Variants in CHST15 observed in about 807,000 individuals in gnomAD.
CHST15 encodes carbohydrate sulfotransferase 15.
CHST15 carries 30 observed loss-of-function variants against 53.6 expected under a neutral mutation model. That is an observed-to-expected ratio of 0.56 (90% confidence interval 0.42 to 0.76). The LOEUF is 0.76. Ranked by LOEUF, CHST15 falls within the 30% of genes least tolerant of loss-of-function variation. CHST15 has a pLI of 0.00. For synonymous variants in CHST15, 296 were observed against 289.8 expected (o/e 1.02, Z -0.22); for missense variants, 627 against 740.5 (o/e 0.85, Z 1.78).
chr10:124,080,319 C>T (rs1216840623), intron 1 of CHST15, among the ~76,000 whole-genome samples: 1 of 152,206 alleles, frequency 6.6e-6, no homozygotes, highest in East Asian at 1.9e-4. Context: ...CTGACTGTTC[C>T]CTCCTTCCAA....
chr10:124,081,019 C>G (rs1027613819), intron 1 of CHST15, among the ~76,000 whole-genome samples: 2 of 152,186 alleles, frequency 1.3e-5, no homozygotes, highest in Admixed American at 1.3e-4. Flanking sequence ...TCCTGGGCCT[C>G]CAGCCTGGGC....
At chr10:124,068,657 G>T (rs1362150386) in intron 1 of CHST15, among the ~76,000 whole-genome samples, 1 of 152,066 alleles carries the variant, frequency 6.6e-6, no homozygotes, top group African/African-American at 2.4e-5. Context: ...TCCAGAAAAA[G>T]ATCAAAACAC....
Position 124,045,112 on chromosome 10 carries a change from C to CAAAAAAAA in CHST15, c.547-201_547-194dup, listed in dbSNP as rs758243657. Among the ~76,000 whole-genome samples, 124 of 33,538 alleles carry CAAAAAAAA rather than the reference C, an allele frequency of 3.7e-3. 4 individuals carry two copies. The highest frequency in any genetic ancestry group is 0.028 in the Middle Eastern group (1 of 36). The allele number at this position is 33,538 out of a possible 152,430, so 22.0% of individuals were successfully genotyped here. On this transcript the variant is annotated intron_variant, in intron 2 of 7. Coordinates refer to ENST00000435907, the MANE Select transcript of CHST15 (RefSeq NM_001270764.2). ...TGCTTTCCTCTCCCCCGCCGCCCCA[C>CAAAAAAAA]AAAAAAAAAAAAAAAAAAAAAAAAA...
chr10:124,035,261 C>A (rs569108144), intron 5 of CHST15, among the ~76,000 whole-genome samples: 3 of 127,420 alleles, frequency 2.4e-5, no homozygotes, highest in East Asian at 5.4e-4. Context: ...GGGACCCTGG[C>A]TCCACCCCTA....
rs550103850 is a variant in CHST15, at chr10:124,074,880, C to A, written c.-513+18589G>T. On this transcript the variant is annotated intron_variant, in intron 1 of 7. Transcript: ENST00000435907. This position sits in a 1 kb window ranked among gnomAD's most constrained non-coding sequence, Gnocchi z 4.4. ...TCCTTTTGAATGCGGCTGTGCTAGG[C>A]AGTGGGGTGCAGTGTGTGGACAAGA... 6.6e-6 allele frequency among the ~76,000 whole-genome samples: 1 copy of A among 152,358 alleles called. No individual in the cohort carries two copies. Among genetic ancestry groups the A allele is most frequent in the Non-Finnish European group, 1.5e-5 (1 of 68,040 alleles).
At position 124,021,246 on chromosome 10, in the gene CHST15, G is replaced by C. The variant is rs200905582; in HGVS notation, c.1347+10C>G. 2.7e-4 allele frequency: 419 copies of C among 1,562,568 alleles called. 2 individuals are homozygous for C. The highest frequency in any genetic ancestry group is 2.2e-3 in the East Asian group (92 of 42,258). On this transcript the variant is annotated intron_variant, in intron 6 of 7. Coordinates refer to ENST00000435907, the MANE Select transcript of CHST15 (RefSeq NM_001270764.2). ...CCAGCTCGGGGGGTACGGGGGGGGG[G>C]GGTACACACAGGCATGGCGTTGTTG...
intron 1 of CHST15, among the ~76,000 whole-genome samples, chr10:124,058,447 C>T (rs1253100699): frequency 6.6e-6 from 1 of 152,260 alleles, no homozygotes; most frequent in East Asian, 1.9e-4. Flanking sequence ...CAGGGTTAAA[C>T]ACATAACCCT....
In CHST15 at chr10:124,008,096, A is replaced by T. The variant is rs1277348619; in HGVS notation, c.*2053T>A. 4.9e-6 allele frequency: 6 copies of T among 1,231,918 alleles called. No homozygotes were observed. The highest frequency in any genetic ancestry group is 6.1e-6 in the Non-Finnish European group (6 of 987,954). 76.3% of individuals were successfully genotyped at this position (1,231,918 alleles called of 1,614,324 possible). On this transcript the variant is annotated 3_prime_UTR_variant, in exon 8 of 8. Coordinates refer to ENST00000435907, the MANE Select transcript of CHST15 (RefSeq NM_001270764.2). ...GCATAATAAACCAAATAATATTGGA[A>T]ATAATACCTTCAGTAATACTTCTGT...
chr10:124,079,783 G>A (rs555383552), intron 1 of CHST15, among the ~76,000 whole-genome samples: 39 of 152,202 alleles, frequency 2.6e-4, no homozygotes, highest in South Asian at 1.0e-3. Flanking sequence ...AGCCAGGGCC[G>A]GAAAGCAATG....
In CHST15 at chr10:124,009,151, A is replaced by T; in HGVS notation, c.*998T>A. ...ATGGAGCCTGTAGCCGGCCAGAACT[A>T]AAAATTAAAATCCTCTGTTTCTCTG... is the stretch of plus-strand genomic sequence containing the variant. On this transcript the variant is annotated 3_prime_UTR_variant, in exon 8 of 8. Transcript: ENST00000435907. 8.3e-7 allele frequency: 1 copy of T among 1,208,264 alleles called. No individual in the cohort carries two copies. The highest frequency in any genetic ancestry group is 1.1e-6 in the Non-Finnish European group (1 of 941,736). 74.8% of individuals were successfully genotyped at this position (1,208,264 alleles called of 1,614,324 possible).
rs553340370 is a variant in CHST15 at position 124,075,815 on chromosome 10, A to T, written c.-513+17654T>A. 9.2e-5 allele frequency among the ~76,000 whole-genome samples: 14 copies of T among 152,286 alleles called. No individual in the cohort carries two copies. The South Asian group carries it at 2.9e-3, about 32-fold the overall frequency. On this transcript the variant is annotated intron_variant, in intron 1 of 7. Coordinates refer to ENST00000435907, the MANE Select transcript of CHST15 (RefSeq NM_001270764.2). ...CTGAGTCTGGGCCAGCCTGCAGGGAAGGAACAAAGAGTCAGCACAAAGGAG... is the reference window on the plus strand; with the variant it reads ...CTGAGTCTGGGCCAGCCTGCAGGGATGGAACAAAGAGTCAGCACAAAGGAG...
chr10:124,060,574 C>T (rs1287328164), intron 1 of CHST15, among the ~76,000 whole-genome samples: 2 of 149,928 alleles, frequency 1.3e-5, no homozygotes, highest in African/African-American at 2.5e-5. Flanking sequence ...CCAACCCCAC[C>T]AGGAGTGTGC....
At chr10:124,018,218 G>A (rs182240796) in intron 6 of CHST15, among the ~76,000 whole-genome samples, 15 of 152,350 alleles carry the variant, frequency 9.8e-5, no homozygotes, top group Admixed American at 9.1e-4. Flanking sequence ...GGACAAAGGT[G>A]CACCCTTGCT....
At chr10:124,082,207 C>T (rs1949270036) in intron 1 of CHST15, among the ~76,000 whole-genome samples, 1 of 152,174 alleles carries the variant, frequency 6.6e-6, no homozygotes, top group Admixed American at 6.5e-5. Flanking sequence ...TCTGTTCACC[C>T]AACCCACCTT....
intron 5 of CHST15, among the ~76,000 whole-genome samples, chr10:124,031,811 G>T (rs1318161867): frequency 6.6e-6 from 1 of 152,070 alleles, no homozygotes; most frequent in Non-Finnish European, 1.5e-5. Flanking sequence ...CCATTTTACC[G>T]ATGAGAAAAT....
At position 124,007,909 on chromosome 10, in the gene CHST15, C is replaced by T; in HGVS notation, c.*2240G>A. ...AATGGCAGGCTCGAGAACCACCGCCCAGAACGGAACCTATTCTGTCAGCAA... is the reference window on the plus strand; with the variant it reads ...AATGGCAGGCTCGAGAACCACCGCCTAGAACGGAACCTATTCTGTCAGCAA... On this transcript the variant is annotated 3_prime_UTR_variant, in exon 8 of 8. Transcript: ENST00000435907. 4 of 1,232,068 alleles carry T rather than the reference C, an allele frequency of 3.2e-6. No homozygotes were observed. Among genetic ancestry groups the T allele is most frequent in the Non-Finnish European group, 4.0e-6 (4 of 987,970 alleles). The allele number at this position is 1,232,068 out of a possible 1,614,324, so 76.3% of individuals were successfully genotyped here.
chr10:124,010,317 C>T lies in CHST15; in HGVS notation c.1518G>A (p.Glu506=). The part of the protein sequence containing the change: ...LNLGPLSEKQ[E]ALMTKSPASN... Reference sequence around the variant, plus strand: ...ATGCGGGGCTCTTGGTCATCAAAGCCTCCTGCTTCTCACTTAAGGGCCCTA... The same window carrying T: ...ATGCGGGGCTCTTGGTCATCAAAGCTTCCTGCTTCTCACTTAAGGGCCCTA... Residue 506 remains glutamate, a synonymous_variant, in exon 8 of 8, where the codon GAG becomes GAA. Transcript: ENST00000435907. 1.2e-6 allele frequency: 2 copies of T among 1,606,052 alleles called. No homozygotes were observed. Among genetic ancestry groups the T allele is most frequent in the Non-Finnish European group, 1.7e-6 (2 of 1,175,230 alleles).
At chr10:124,080,790 C>A (rs1280459941) in intron 1 of CHST15, among the ~76,000 whole-genome samples, 1 of 152,244 alleles carries the variant, frequency 6.6e-6, no homozygotes, top group Non-Finnish European at 1.5e-5. Context: ...CATCCCTGCA[C>A]TATGGGTCAA....
chr10:124,021,910 T>A (rs947839722), intron 5 of CHST15, among the ~76,000 whole-genome samples: 1 of 151,900 alleles, frequency 6.6e-6, no homozygotes, highest in Non-Finnish European at 1.5e-5. Flanking sequence ...GAAAAAAAAA[T>A]GATGAGATGT....
Sources: gnomAD v4.1 joint callset for allele counts (sites outside exome capture counted in the v4.1 genomes callset) on GRCh38, gnomAD v4.1.1 for gene constraint, Gnocchi (gnomAD v3.1) non-coding constraint, MANE v1.5 for transcripts, NCBI Gene and HGNC (gene_info 2026-07-23, HGNC 2026-07-21) for gene names.